The following DENND1A variants were observed in gnomAD, a reference collection of about 807,000 sequenced individuals.
DENND1A encodes the protein DENN domain containing 1A.
In DENND1A, 51 loss-of-function variants were observed where a neutral mutation model predicts 113.7. That is an observed-to-expected ratio of 0.45 (90% confidence interval 0.36 to 0.57). DENND1A has a LOEUF of 0.57. Among genes scored for constraint, DENND1A ranks in the 20% least tolerant of loss-of-function variants. The pLI is 0.00. For synonymous variants in DENND1A, 565 were observed against 570.8 expected (o/e 0.99, Z 0.14); for missense variants, 1,258 against 1,395.9 (o/e 0.90, Z 1.57).
At chr9:123,652,221 G>T in intron 8 of DENND1A, 98 bp from the exon 9 acceptor site, 1 of 1,026,014 alleles carries the variant, frequency 9.7e-7, no homozygotes, top group Non-Finnish European at 1.4e-6. Flanking sequence ...TAATCAGAAA[G>T]TATACTCTGT....
chr9:123,845,805 T>C (rs757937166), intron 2 of DENND1A, among the ~76,000 whole-genome samples: 10 of 151,866 alleles, frequency 6.6e-5, no homozygotes, highest in Non-Finnish European at 1.3e-4. Context: ...ATTGTAACTT[T>C]AGGATGGGCA....
At chr9:123,759,701 C>T (rs920479848) in intron 4 of DENND1A, 10 of 152,150 alleles carry the variant, frequency 6.6e-5, no homozygotes, top group East Asian at 3.9e-4. Flanking sequence ...CTGGGATTAC[C>T]GCCTGGCCAG....
At chr9:123,441,334 ATGT>A (rs1198032013) in intron 18 of DENND1A, among the ~76,000 whole-genome samples, 1 of 152,166 alleles carries the variant, frequency 6.6e-6, no homozygotes, top group Non-Finnish European at 1.5e-5. Flanking sequence ...TTTACTGATG[ATGT>A]TGTTGTTTGT....
At chr9:123,473,488 C>A (rs1367912791) in intron 13 of DENND1A, among the ~76,000 whole-genome samples, 1 of 152,156 alleles carries the variant, frequency 6.6e-6, no homozygotes, top group Non-Finnish European at 1.5e-5. Context: ...TCCAGATGCA[C>A]CCCTAACATA....
intron 1 of DENND1A, among the ~76,000 whole-genome samples, chr9:123,885,893 C>T (rs1849002101): frequency 6.6e-6 from 1 of 152,202 alleles, no homozygotes; most frequent in Admixed American, 6.5e-5. Flanking sequence ...GATTATCCTG[C>T]CTCATCCTCC....
intron 13 of DENND1A, among the ~76,000 whole-genome samples, chr9:123,521,506 T>TATAG (rs1156941081): frequency 6.6e-6 from 1 of 152,194 alleles, no homozygotes; most frequent in Non-Finnish European, 1.5e-5. Flanking sequence ...TGGAGCTTGG[T>TATAG]ATAGCATCAG....
At chr9:123,871,528 C>T (rs1012483472) in intron 2 of DENND1A, among the ~76,000 whole-genome samples, 1 of 152,138 alleles carries the variant, frequency 6.6e-6, no homozygotes, top group African/African-American at 2.4e-5. Context: ...ACAAATCTGG[C>T]TCTCAATATT....
chr9:123,420,561 C>T (rs892492705), intron 19 of DENND1A, among the ~76,000 whole-genome samples: 11 of 152,298 alleles, frequency 7.2e-5, no homozygotes, highest in East Asian at 3.9e-4. Context: ...CGACTCTCTC[C>T]GGCTGGGTCC....
chr9:123,588,633 A>ACGGGGGG (rs1554894950), intron 11 of DENND1A, among the ~76,000 whole-genome samples: 18 of 86,454 alleles, frequency 2.1e-4, no homozygotes, highest in African/African-American at 6.4e-4. Flanking sequence ...AAAAAAAAAA[A>ACGGGGGG]GGGGGGGGGG....
chr9:123,823,268 C>T (rs1459966389), intron 2 of DENND1A, among the ~76,000 whole-genome samples: 1 of 152,108 alleles, frequency 6.6e-6, no homozygotes, highest in Admixed American at 6.5e-5. Flanking sequence ...AAAGGCTTCC[C>T]CAGGAATTAT....
chr9:123,869,999 G>C (rs796421256), intron 2 of DENND1A, among the ~76,000 whole-genome samples: 117 of 97,086 alleles, frequency 1.2e-3, no homozygotes, highest in African/African-American at 6.4e-3. Flanking sequence ...GCAAGACCCT[G>C]TCTCAAAAAA....
At chr9:123,471,376 G>A (rs112498362) in intron 13 of DENND1A, among the ~76,000 whole-genome samples, 3 of 152,294 alleles carry the variant, frequency 2.0e-5, no homozygotes, top group African/African-American at 7.2e-5. Context: ...CTAGTGGGGG[G>A]CTTGACTCTT....
At chr9:123,580,212 A>T (rs558856671) in intron 12 of DENND1A, among the ~76,000 whole-genome samples, 1 of 152,184 alleles carries the variant, frequency 6.6e-6, no homozygotes, top group Non-Finnish European at 1.5e-5. Context: ...AGGCTCAAAG[A>T]GGGAAAATAA....
intron 12 of DENND1A, among the ~76,000 whole-genome samples, chr9:123,564,073 C>A (rs2057915148): frequency 6.6e-6 from 1 of 152,124 alleles, no homozygotes; most frequent in African/African-American, 2.4e-5. Flanking sequence ...TCCAGTTTAG[C>A]CCCTACAAAT....
intron 2 of DENND1A, among the ~76,000 whole-genome samples, chr9:123,848,786 T>G (rs1486942823): frequency 1.3e-5 from 2 of 152,158 alleles, no homozygotes; most frequent in Non-Finnish European, 2.9e-5. Context: ...CAGTAACACA[T>G]GAATGATAAT....
rs1348898370 is a variant in DENND1A, at chr9:123,422,397, T to G, written c.1489-10568A>C. On this transcript the variant is annotated intron_variant, in intron 19 of 23. Coordinates refer to ENST00000394215, the MANE Select transcript of DENND1A (RefSeq NM_001352964.2). This position sits in a 1 kb window ranked among gnomAD's most constrained non-coding sequence, Gnocchi z 4.8. ...AGGGCCATCCCCCAAAGCAATAGAC[T>G]TTTTGAGTGGAATGCAAACGTGGAA... Among the ~76,000 whole-genome samples the G allele has an allele frequency of 2.6e-5, 4 of 152,224 alleles. No individual in the cohort carries two copies. Among genetic ancestry groups the G allele is most frequent in the African/African-American group, 4.8e-5 (2 of 41,462 alleles).
intron 5 of DENND1A, among the ~76,000 whole-genome samples, chr9:123,719,359 C>T (rs2067184607): frequency 6.6e-6 from 1 of 152,236 alleles, no homozygotes; most frequent in African/African-American, 2.4e-5. Context: ...ACACCTGAGA[C>T]TATCCTCTCC....
At chr9:123,559,580 C>T (rs1413263161) in intron 12 of DENND1A, among the ~76,000 whole-genome samples, 7 of 152,178 alleles carry the variant, frequency 4.6e-5, no homozygotes, top group Non-Finnish European at 7.4e-5. Flanking sequence ...AAAAAAAATC[C>T]GACCTGGGAA....
intron 17 of DENND1A, among the ~76,000 whole-genome samples, chr9:123,451,284 C>T (rs943514123): frequency 2.0e-5 from 3 of 152,110 alleles, no homozygotes; most frequent in African/African-American, 7.2e-5. Context: ...GCCACCCATC[C>T]TGCTAAAATA....
Sources: allele counts gnomAD v4.1 joint callset (sites outside exome capture counted in the v4.1 genomes callset), GRCh38; gene constraint gnomAD v4.1.1; non-coding constraint Gnocchi (gnomAD v3.1); transcripts MANE v1.5; gene names NCBI Gene and HGNC (gene_info 2026-07-23, HGNC 2026-07-21).